SPATA16: variants seen among roughly 807,000 people sequenced by gnomAD.
SPATA16 encodes spermatogenesis associated 16.
SPATA16 carries 36 observed loss-of-function variants against 63.3 expected under a neutral mutation model. The observed-to-expected ratio is 0.57, with a 90% confidence interval of 0.44 to 0.75. SPATA16 has a LOEUF of 0.75. Among genes scored for constraint, SPATA16 ranks in the 30% least tolerant of loss-of-function variants. SPATA16 has a pLI of 0.00. For synonymous variants in SPATA16, 203 were observed against 216.7 expected (o/e 0.94, Z 0.56); for missense variants, 646 against 679.3 (o/e 0.95, Z 0.54).
At chr3:172,931,509 A>G (rs1267545834) in intron 6 of SPATA16, among the ~76,000 whole-genome samples, 1 of 152,160 alleles carries the variant, frequency 6.6e-6, no homozygotes, top group Non-Finnish European at 1.5e-5. Context: ...TGGCCTCCCA[A>G]ATCACTGGGA....
At chr3:173,063,527 G>A (rs1466797660) in intron 2 of SPATA16, among the ~76,000 whole-genome samples, 4 of 152,144 alleles carry the variant, frequency 2.6e-5, no homozygotes, top group Non-Finnish European at 5.9e-5. Context: ...GTCAGCCAAC[G>A]TCTATCATGC....
At position 172,896,900 on chromosome 3, in the gene SPATA16, C is replaced by CT. The variant is rs201090478; in HGVS notation, c.1588-7209dup. 2.1e-3 allele frequency among the ~76,000 whole-genome samples: 319 copies of CT among 150,786 alleles called. 1 individual carries two copies. Among genetic ancestry groups the CT allele is most frequent in the African/African-American group, 7.2e-3 (295 of 41,038 alleles). ...CTCTCATGCTGAGCTTTTTTTCATC[C>CT]TTTTTTATTTTTTTAACAGAGTCCT... On this transcript the variant is annotated intron_variant, in intron 10 of 10. Transcript: ENST00000351008.
chr3:173,075,311 C>A lies in SPATA16; in HGVS notation c.613-26217G>T, dbSNP rs1405910600. 4.6e-5 allele frequency among the ~76,000 whole-genome samples: 7 copies of A among 152,006 alleles called. No homozygotes were observed. In the East Asian group the frequency reaches 7.7e-4, roughly 17 times the overall value. ...GAGGATGGATGTGTAAAAAGGGAAA[C>A]CCTTGTACACAGTTGGTGAGAATGT... On this transcript the variant is annotated intron_variant, in intron 2 of 10. Coordinates refer to ENST00000351008, the MANE Select transcript of SPATA16 (RefSeq NM_031955.6).
intron 3 of SPATA16, among the ~76,000 whole-genome samples, chr3:173,023,990 T>C (rs978708421): frequency 7.9e-5 from 12 of 151,240 alleles, no homozygotes; most frequent in Non-Finnish European, 1.2e-4. Context: ...GCTAAAAATG[T>C]GAAATCTTGA....
intron 1 of SPATA16, among the ~76,000 whole-genome samples, chr3:173,127,632 G>C (rs1038770994): frequency 2.0e-5 from 3 of 152,208 alleles, no homozygotes; most frequent in African/African-American, 7.2e-5. Flanking sequence ...ATTAGATTCA[G>C]GTTAAGCGGC....
chr3:172,982,842 C>T (rs1020782348), intron 4 of SPATA16, among the ~76,000 whole-genome samples: 1 of 152,144 alleles, frequency 6.6e-6, no homozygotes, highest in African/African-American at 2.4e-5. Flanking sequence ...ATACTACTGA[C>T]ATTTCTCAAG....
intron 10 of SPATA16, among the ~76,000 whole-genome samples, chr3:172,897,922 G>A (rs1220661959): frequency 6.6e-6 from 1 of 151,950 alleles, no homozygotes; most frequent in Non-Finnish European, 1.5e-5. Flanking sequence ...ATTTGAGGAG[G>A]TTCCTCTTTA....
intron 2 of SPATA16, among the ~76,000 whole-genome samples, chr3:173,107,157 A>G (rs1737639395): frequency 6.6e-6 from 1 of 152,130 alleles, no homozygotes; most frequent in African/African-American, 2.4e-5. Context: ...GCCCTGTCAT[A>G]TCACATCCTC....
chr3:173,107,114 C>G (rs923404195), intron 2 of SPATA16, among the ~76,000 whole-genome samples: 16 of 152,216 alleles, frequency 1.1e-4, no homozygotes, highest in South Asian at 8.3e-4. Flanking sequence ...AGACTTCTTT[C>G]TAAAACCTGA....
chr3:173,010,583 C>T (rs971692499), intron 4 of SPATA16, among the ~76,000 whole-genome samples: 4 of 152,134 alleles, frequency 2.6e-5, no homozygotes, highest in Admixed American at 6.5e-5. Flanking sequence ...GAACAGAAAG[C>T]CTAAGTACTT....
chr3:172,936,370 G>T (rs1049569729), intron 6 of SPATA16, among the ~76,000 whole-genome samples: 1 of 152,190 alleles, frequency 6.6e-6, no homozygotes, highest in Non-Finnish European at 1.5e-5. Context: ...TTCTGGGTTG[G>T]TGAACACATT....
chr3:173,120,259 TA>T (rs1428691974), intron 1 of SPATA16, among the ~76,000 whole-genome samples: 1 of 152,188 alleles, frequency 6.6e-6, no homozygotes, highest in East Asian at 1.9e-4. Context: ...TTGGATTGAG[TA>T]AAAATAAACT....
intron 4 of SPATA16, among the ~76,000 whole-genome samples, chr3:172,992,992 C>G (rs1213544723): frequency 6.6e-6 from 1 of 152,046 alleles, no homozygotes; most frequent in Non-Finnish European, 1.5e-5. Flanking sequence ...ATACAACAAA[C>G]CCAGAAAAAG....
At chr3:172,964,891 A>G (rs1224999370) in intron 5 of SPATA16, among the ~76,000 whole-genome samples, 1 of 152,158 alleles carries the variant, frequency 6.6e-6, no homozygotes, top group Non-Finnish European at 1.5e-5. Flanking sequence ...ACCTCTGAAG[A>G]AGTGTATGTT....
intron 2 of SPATA16, among the ~76,000 whole-genome samples, chr3:173,062,979 C>T (rs1736420450): frequency 6.6e-6 from 1 of 152,190 alleles, no homozygotes; most frequent in Non-Finnish European, 1.5e-5. Flanking sequence ...CTCGCTGGCC[C>T]CCCACTCACC....
intron 2 of SPATA16, among the ~76,000 whole-genome samples, chr3:173,110,852 G>A (rs1388459516): frequency 6.6e-6 from 1 of 152,234 alleles, no homozygotes; most frequent in Non-Finnish European, 1.5e-5. Context: ...GCAGTCACTT[G>A]AGAACCTACT....
chr3:173,037,548 A>G (rs1295500557), intron 3 of SPATA16, among the ~76,000 whole-genome samples: 1 of 152,108 alleles, frequency 6.6e-6, no homozygotes, highest in African/African-American at 2.4e-5. Context: ...ACTGGTAATA[A>G]CATAAGAACA....
At chr3:172,973,288 T>C (rs979572084) in intron 5 of SPATA16, among the ~76,000 whole-genome samples, 2 of 152,168 alleles carry the variant, frequency 1.3e-5, no homozygotes, top group Admixed American at 1.3e-4. Flanking sequence ...TTTATGACTA[T>C]TGTTCTAGGT....
chr3:172,925,548 G>A, intron 6 of SPATA16, 56 bp from the exon 7 acceptor site: 1 of 1,610,220 alleles, frequency 6.2e-7, no homozygotes, highest in Non-Finnish European at 8.5e-7. Flanking sequence ...AATATTTTTA[G>A]GGTTTTCCCC....
Sources: gnomAD v4.1 joint callset for allele counts (sites outside exome capture counted in the v4.1 genomes callset) on GRCh38, gnomAD v4.1.1 for gene constraint, MANE v1.5 for transcripts, NCBI Gene and HGNC (gene_info 2026-07-23, HGNC 2026-07-21) for gene names.